The following ZNF676 variants were observed in gnomAD, a reference collection of about 807,000 sequenced individuals.
ZNF676 encodes zinc finger protein 676.
Under a neutral mutation model 6.0 loss-of-function variants are expected in ZNF676, and 4 were observed. The observed-to-expected ratio is 0.67, with a 90% CI of 0.33 to 1.53. ZNF676 has a LOEUF of 1.53. Among genes scored for constraint, ZNF676 ranks in the 40% most tolerant of loss-of-function variants. ZNF676 has a pLI of 0.06. For synonymous variants in ZNF676, 198 were observed against 223.1 expected (o/e 0.89, Z 1.00); for missense variants, 644 against 679.7 (o/e 0.95, Z 0.58).
At chr19:22,256,323 C>T in the ZNF676 span, among the ~76,000 whole-genome samples, 66 of 151,906 alleles carry the variant, frequency 4.3e-4, no homozygotes, top group African/African-American at 1.6e-3. Context: ...CAATATTCCC[C>T]GCTAGAAGGG....
intron 1 of ZNF676, among the ~76,000 whole-genome samples, chr19:22,207,240 G>A (rs961134196): frequency 6.6e-6 from 1 of 152,172 alleles, no homozygotes; most frequent in Non-Finnish European, 1.5e-5. Flanking sequence ...AACAACTTCA[G>A]TAAAGTCTCA....
upstream of ZNF676, among the ~76,000 whole-genome samples, chr19:22,219,046 T>G (rs77562003): frequency 1.4e-3 from 194 of 138,810 alleles, 2 homozygotes; most frequent in African/African-American, 5.0e-3. Context: ...TTTTTTTTTT[T>G]GGTATCCTGA....
chr19:22,248,023 T>C, the ZNF676 span, among the ~76,000 whole-genome samples: 2 of 152,058 alleles, frequency 1.3e-5, no homozygotes, highest in African/African-American at 4.8e-5. Context: ...TGTGATAGTT[T>C]GCTGAGAATG....
In ZNF676 at chr19:22,187,536, T is replaced by C. The variant is rs570262844; in HGVS notation, c.130+5480A>G. 1.2e-4 allele frequency among the ~76,000 whole-genome samples: 18 copies of C among 148,364 alleles called. No individual in the cohort carries two copies. The South Asian group carries it at 1.7e-3, about 14-fold the overall frequency. ...AAGAACAGAGCAGAACTGAAGGAGATAGACACAAAAAACCCTTCAAAAAAA... is the reference window on the plus strand; with the variant it reads ...AAGAACAGAGCAGAACTGAAGGAGACAGACACAAAAAACCCTTCAAAAAAA... On this transcript the variant is annotated intron_variant, in intron 2 of 2. Transcript: ENST00000397121.
At chr19:22,230,062 A>G in the ZNF676 span, among the ~76,000 whole-genome samples, 1 of 152,232 alleles carries the variant, frequency 6.6e-6, no homozygotes, top group Non-Finnish European at 1.5e-5. Flanking sequence ...TGTTTGTTGC[A>G]GCACTATTCA....
chr19:22,246,937 C>G, the ZNF676 span, among the ~76,000 whole-genome samples: 1 of 152,176 alleles, frequency 6.6e-6, no homozygotes, highest in Non-Finnish European at 1.5e-5. Flanking sequence ...TTGTTTGTTT[C>G]TTTACTTCTC....
intron 1 of ZNF676, among the ~76,000 whole-genome samples, chr19:22,204,959 A>C (rs1251989010): frequency 6.6e-6 from 1 of 152,146 alleles, no homozygotes; most frequent in Non-Finnish European, 1.5e-5. Context: ...CAAGTTATCC[A>C]CCCTTATTTT....
chr19:22,196,694 T>C lies in ZNF676; in HGVS notation c.-61A>G. ...GGCATTGCCACTCCTCCAGAGAGAA[T>C]TCTATGGCCACATCCCTAAATGTCA... On this transcript the variant is annotated 5_prime_UTR_variant, in exon 1 of 3. Transcript: ENST00000397121. 1.2e-6 allele frequency: 2 copies of C among 1,611,164 alleles called. No homozygotes were observed. Among genetic ancestry groups the C allele is most frequent in the Admixed American group, 3.3e-5 (2 of 59,980 alleles).
At chr19:22,259,434 A>G in the ZNF676 span, among the ~76,000 whole-genome samples, 1 of 152,188 alleles carries the variant, frequency 6.6e-6, no homozygotes. Flanking sequence ...CCAGGAAGAA[A>G]AAAAGTCTCA....
chr19:22,186,241 T>A (rs4390714), intron 2 of ZNF676, among the ~76,000 whole-genome samples: 34,236 of 151,952 alleles, frequency 0.23, 4,337 homozygotes, highest in South Asian at 0.42. Context: ...TTCTTAAAGA[T>A]AGGAATTTTC....
the ZNF676 span, among the ~76,000 whole-genome samples, chr19:22,256,838 T>C: frequency 6.6e-6 from 1 of 151,918 alleles, no homozygotes; most frequent in Non-Finnish European, 1.5e-5. Flanking sequence ...CCCCTGTAAA[T>C]AGAACCCACG....
the ZNF676 span, among the ~76,000 whole-genome samples, chr19:22,253,404 G>GTATATATATATATATATATA: frequency 1.0e-5 from 1 of 97,040 alleles, no homozygotes; most frequent in East Asian, 3.1e-4. Context: ...ATGATAATGT[G>GTATATATATATATATATATA]TATATATATA....
the ZNF676 span, among the ~76,000 whole-genome samples, chr19:22,246,896 G>A: frequency 6.6e-6 from 1 of 152,228 alleles, no homozygotes; most frequent in Non-Finnish European, 1.5e-5. Flanking sequence ...AATTATATTA[G>A]CTGCTCTGCC....
chr19:22,243,306 T>G, the ZNF676 span: 4 of 151,966 alleles, frequency 2.6e-5, no homozygotes, highest in African/African-American at 9.7e-5. Context: ...GAATATCACC[T>G]GTCTGTTAGC....
At chr19:22,238,096 G>C in the ZNF676 span, among the ~76,000 whole-genome samples, 2 of 152,164 alleles carry the variant, frequency 1.3e-5, no homozygotes, top group Non-Finnish European at 2.9e-5. Flanking sequence ...AGGACAACCA[G>C]CTTCATTATG....
chr19:22,200,718 A>G (rs1411315861), upstream of ZNF676, among the ~76,000 whole-genome samples: 1 of 151,812 alleles, frequency 6.6e-6, no homozygotes, highest in Non-Finnish European at 1.5e-5. Context: ...ATTATTCAAT[A>G]TTATTCAATA....
the ZNF676 span, among the ~76,000 whole-genome samples, chr19:22,238,349 C>T: frequency 5.0e-4 from 76 of 152,262 alleles, no homozygotes; most frequent in Admixed American, 1.2e-3. Context: ...CCATGCTCAG[C>T]TGGTGAAAGG....
chr19:22,184,145 C>T lies in ZNF676; in HGVS notation c.131-2559G>A, dbSNP rs548987574. On this transcript the variant is annotated intron_variant, in intron 2 of 2. Transcript: ENST00000397121. The stretch of plus-strand genomic sequence containing the variant: ...AGAAGGTGGGTGGTTTCTGCATTTC[C>T]AACTGAGGTACCCGGTTTATCTCAA... Among the ~76,000 whole-genome samples, 11 of 152,240 alleles carry T rather than the reference C, an allele frequency of 7.2e-5. No individual in the cohort carries two copies. The South Asian group carries it at 2.3e-3, about 32-fold the overall frequency.
the ZNF676 span, among the ~76,000 whole-genome samples, chr19:22,234,174 G>C: frequency 6.6e-6 from 1 of 152,298 alleles, no homozygotes; most frequent in African/African-American, 2.4e-5. Context: ...GTCCTAGAAA[G>C]GAACTGTAGC....
Sources: gnomAD v4.1 joint callset for allele counts (sites outside exome capture counted in the v4.1 genomes callset) on GRCh38, gnomAD v4.1.1 for gene constraint, MANE v1.5 for transcripts, NCBI Gene and HGNC (gene_info 2026-07-23, HGNC 2026-07-21) for gene names.